Variants in ANK3 observed in about 807,000 individuals in gnomAD.
ANK3 encodes the protein ankyrin-3.
In ANK3, 57 loss-of-function variants were observed where a neutral mutation model predicts 370.9. The ratio of observed to expected loss-of-function variants is 0.15; its 90% CI spans 0.12 to 0.19. The LOEUF is 0.19. Ranked by LOEUF, ANK3 falls within the 10% of genes least tolerant of loss-of-function variation. The pLI is 1.00. For synonymous variants in ANK3, 1,929 were observed against 1,946.3 expected, an observed-to-expected ratio of 0.99 and a Z score of 0.23; for missense variants, 4,439 against 5,302.1, an observed-to-expected ratio of 0.84 and a Z score of 5.06.
In ANK3 at chr10:60,647,408, A is replaced by G. The variant is rs577264717; in HGVS notation, c.58-32184T>C. ...ATTTCATGTACAACGCCATGCTGCC[A>G]TCTACTGGCTATTGCTTGAATTTTC... On this transcript the variant is annotated intron_variant, in intron 1 of 43. Coordinates refer to the ANK3 transcript ENST00000373827. Among the ~76,000 whole-genome samples, 63 of 152,316 alleles carry G rather than the reference A, an allele frequency of 4.1e-4. 1 individual carries two copies. In the South Asian group the frequency reaches 0.013, roughly 31 times the overall value.
chr10:60,148,619 A>G (rs1298908375), intron 23 of ANK3, among the ~76,000 whole-genome samples: 1 of 152,178 alleles, frequency 6.6e-6, no homozygotes, highest in East Asian at 1.9e-4. Flanking sequence ...TTAGTCCTCT[A>G]AGTAAGATCA....
chr10:60,615,572 A>C (rs1327201607), intron 1 of ANK3, among the ~76,000 whole-genome samples: 1 of 152,228 alleles, frequency 6.6e-6, no homozygotes, highest in Non-Finnish European at 1.5e-5. Flanking sequence ...CAACTGTAAC[A>C]GTAATAATAA....
At chr10:60,290,437 A>C (rs2041079235) in intron 1 of ANK3, among the ~76,000 whole-genome samples, 1 of 152,180 alleles carries the variant, frequency 6.6e-6, no homozygotes, top group Admixed American at 6.5e-5. Flanking sequence ...GTTATTAGAA[A>C]TAAACCAGCA....
At chr10:60,564,658 G>A (rs985375470) in intron 2 of ANK3, among the ~76,000 whole-genome samples, 5 of 152,132 alleles carry the variant, frequency 3.3e-5, no homozygotes, top group Admixed American at 3.3e-4. Flanking sequence ...AAAAATGAAT[G>A]TATGTTTGGA....
At chr10:60,368,305 C>T (rs540881312) in intron 1 of ANK3, among the ~76,000 whole-genome samples, 22 of 151,962 alleles carry the variant, frequency 1.4e-4, no homozygotes, top group East Asian at 3.9e-4. Context: ...ATCCAAATGA[C>T]GGAGCTTCAC....
chr10:60,428,279 A>G (rs1018251593), intron 2 of ANK3, among the ~76,000 whole-genome samples: 13 of 152,176 alleles, frequency 8.5e-5, no homozygotes, highest in East Asian at 1.9e-4. Context: ...TAACGCTTCT[A>G]TCAAATTCCT....
At chr10:60,218,087 CTT>C (rs751975989) in intron 8 of ANK3, among the ~76,000 whole-genome samples, 1 of 129,592 alleles carries the variant, frequency 7.7e-6, no homozygotes, top group East Asian at 2.1e-4. Context: ...CCTGCTTTTT[CTT>C]TTTCTTTCTT....
rs1491486816 is a variant in ANK3, at chr10:60,301,412, CAT to C, written c.115-21775_115-21774del. 2.7e-3 allele frequency among the ~76,000 whole-genome samples: 368 copies of C among 138,428 alleles called. 1 individual carries two copies. The highest frequency in any genetic ancestry group is 0.01 in the African/African-American group (350 of 34,358). 90.8% of individuals were successfully genotyped at this position (138,428 alleles called of 152,430 possible). A position where few individuals can be genotyped will look rare whatever the true frequency, so the allele number is the denominator to read the frequency against. ...TACATACACACACACACACAATATA[CAT>C]TTTTTTTTTTTTTTTTTGAGACAGA... is the stretch of plus-strand genomic sequence containing the variant. On this transcript the variant is annotated intron_variant, in intron 1 of 43. Transcript: ENST00000280772.
intron 1 of ANK3, among the ~76,000 whole-genome samples, chr10:60,619,778 A>G (rs1050470132): frequency 9.9e-5 from 15 of 152,196 alleles, no homozygotes; most frequent in African/African-American, 3.1e-4. Context: ...TTCTGTTGTC[A>G]AATGCCAAGT....
At chr10:60,065,286 G>A (rs1276413227) in intron 38 of ANK3, among the ~76,000 whole-genome samples, 2 of 152,144 alleles carry the variant, frequency 1.3e-5, no homozygotes, top group African/African-American at 2.4e-5. Context: ...CTTGGAAGAG[G>A]GAAACTTAGG....
Position 60,086,719 on chromosome 10 carries a change from C to T in ANK3, c.3706G>A (p.Gly1236Arg). ...AGACGCAGATTGGGTGTAGTGTCCC[C>T]TTTGTATCCATTGGATACACCTTCT... ...SGEGVSNGYK[G>R]DTTPNLRLLC... is the part of the protein sequence containing the mutation. The change falls in exon 30 of 44, where the codon GGG becomes AGG. Residue 1236 changes from glycine (G) to arginine (R), a missense_variant. Gly to Arg is a moderately radical substitution (Grantham distance 125). Transcript: ENST00000280772. The T allele has an allele frequency of 1.2e-6, 2 of 1,613,960 alleles. No individual in the cohort carries two copies. Among genetic ancestry groups the T allele is most frequent in the Non-Finnish European group, 1.7e-6 (2 of 1,179,944 alleles).
intron 2 of ANK3, among the ~76,000 whole-genome samples, chr10:60,614,116 T>C (rs1342203334): frequency 3.3e-5 from 5 of 152,150 alleles, no homozygotes; most frequent in Non-Finnish European, 5.9e-5. Flanking sequence ...GTGTAGCGAA[T>C]ATGTTACAGA....
intron 9 of ANK3, 34 bp downstream of exon 9, chr10:60,213,378 C>A: frequency 7.0e-7 from 1 of 1,431,476 alleles, no homozygotes; most frequent in Non-Finnish European, 9.8e-7. Context: ...AAAATAAATA[C>A]AGTCCAATGT....
At chr10:60,036,716 G>A (rs552969309) in intron 43 of ANK3, among the ~76,000 whole-genome samples, 7 of 152,172 alleles carry the variant, frequency 4.6e-5, no homozygotes, top group South Asian at 2.1e-4. Context: ...GAATACAGGC[G>A]TGAGCCACTG....
intron 1 of ANK3, among the ~76,000 whole-genome samples, chr10:60,652,841 T>C (rs1368602934): frequency 6.6e-6 from 1 of 152,102 alleles, no homozygotes; most frequent in Non-Finnish European, 1.5e-5. Flanking sequence ...ACAGAAAGAC[T>C]GGGCAAGGGC....
rs1405601001 is a variant in ANK3 at position 60,672,679 on chromosome 10, A to C, written c.58-57455T>G. Among the ~76,000 whole-genome samples the C allele has an allele frequency of 5.3e-5, 8 of 152,316 alleles. No homozygotes were observed. The East Asian group carries it at 1.5e-3, about 29-fold the overall frequency. Reference sequence around the variant, plus strand: ...GATGTGTTTCTCTGAGTTCTGCTGGAAGCCATTCTAGTAAATTAATCAAAC... The same window carrying C: ...GATGTGTTTCTCTGAGTTCTGCTGGCAGCCATTCTAGTAAATTAATCAAAC... On this transcript the variant is annotated intron_variant, in intron 1 of 43. Coordinates refer to the ANK3 transcript ENST00000373827.
At chr10:60,236,568 A>G (rs367619393) in intron 7 of ANK3, among the ~76,000 whole-genome samples, 1 of 152,148 alleles carries the variant, frequency 6.6e-6, no homozygotes, top group African/African-American at 2.4e-5. Context: ...GTTGTTTAAC[A>G]TGTCCTTTTC....
intron 2 of ANK3, among the ~76,000 whole-genome samples, chr10:60,545,754 A>T (rs1335247664): frequency 6.6e-6 from 1 of 152,210 alleles, no homozygotes; most frequent in East Asian, 1.9e-4. Context: ...TGGTTATATG[A>T]TATTTAGATT....
intron 2 of ANK3, among the ~76,000 whole-genome samples, chr10:60,518,987 G>T (rs1466279995): frequency 6.6e-6 from 1 of 152,106 alleles, no homozygotes; most frequent in Non-Finnish European, 1.5e-5. Context: ...GTTTCCTTCT[G>T]CCTTAGGGAT....
Sources: gnomAD v4.1 joint callset for allele counts (sites outside exome capture counted in the v4.1 genomes callset) on GRCh38, gnomAD v4.1.1 for gene constraint, MANE v1.5 for transcripts, NCBI Gene and HGNC (gene_info 2026-07-23, HGNC 2026-07-21) for gene names.